ADAMTSL1: variants seen among roughly 807,000 people sequenced by gnomAD.
ADAMTSL1 encodes ADAMTS like 1, also known as ADAMTS-like protein 1.
ADAMTSL1 carries 126 observed loss-of-function variants against 201.8 expected under a neutral mutation model. That is an observed-to-expected ratio of 0.62 (90% confidence interval 0.54 to 0.72). The LOEUF (loss-of-function observed/expected upper bound fraction) is 0.72. Ranked by LOEUF, ADAMTSL1 falls within the 30% of genes least tolerant of loss-of-function variation. The pLI is 0.00. For synonymous variants in ADAMTSL1, 1,121 were observed against 903.4 expected, an observed-to-expected ratio of 1.24 and a Z score of -4.32; for missense variants, 2,679 against 2,277.8, an observed-to-expected ratio of 1.18 and a Z score of -3.59.
intron 13 of ADAMTSL1, among the ~76,000 whole-genome samples, chr9:18,700,790 G>C (rs549695197): frequency 6.6e-6 from 1 of 152,206 alleles, no homozygotes; most frequent in African/African-American, 2.4e-5. Flanking sequence ...CTATTTTCCA[G>C]ATCCCTCTGT....
At chr9:18,415,959 C>G (rs1465432819) in intron 2 of ADAMTSL1, among the ~76,000 whole-genome samples, 1 of 151,956 alleles carries the variant, frequency 6.6e-6, no homozygotes, top group African/African-American at 2.4e-5. Context: ...TAGAATATCT[C>G]TCGCAAATGT....
At chr9:18,280,046 G>A (rs900147425) in intron 2 of ADAMTSL1, among the ~76,000 whole-genome samples, 2 of 152,232 alleles carry the variant, frequency 1.3e-5, no homozygotes, top group African/African-American at 4.8e-5. Flanking sequence ...TGGACTCAAG[G>A]TCTGCTGAAG....
chr9:18,636,131 A>G, intron 6 of ADAMTSL1, 114 bp downstream of exon 6: 1 of 891,038 alleles, frequency 1.1e-6, no homozygotes, highest in South Asian at 2.0e-5. Context: ...ACTCTATCAT[A>G]ATATGATATT....
At position 18,001,039 on chromosome 9, in the gene ADAMTSL1, G is replaced by C. The variant is rs1294456163; in HGVS notation, c.87+94117G>C. On this transcript the variant is annotated intron_variant, in intron 1 of 29. Coordinates refer to the ADAMTSL1 transcript ENST00000680146. ...AGTTGGGGGAAGTTAGTTTCTAAAA[G>C]GAAAATGAAAATGCTATTGCCAGGA... Among the ~76,000 whole-genome samples, 3 of 152,066 alleles carry C rather than the reference G, an allele frequency of 2.0e-5. No homozygotes were observed. In the South Asian group the frequency reaches 6.2e-4, roughly 32 times the overall value.
At chr9:18,275,666 C>G (rs1832558418) in intron 2 of ADAMTSL1, among the ~76,000 whole-genome samples, 1 of 152,118 alleles carries the variant, frequency 6.6e-6, no homozygotes. Context: ...TGAGGGCCAT[C>G]TGTCATCTTT....
intron 1 of ADAMTSL1, among the ~76,000 whole-genome samples, chr9:18,157,555 G>T (rs1304188415): frequency 6.6e-6 from 1 of 151,940 alleles, no homozygotes. Flanking sequence ...GAACTAAGCA[G>T]GAACATCTGT....
chr9:18,119,663 A>G (rs4618799), intron 1 of ADAMTSL1, among the ~76,000 whole-genome samples: 64,606 of 151,788 alleles, frequency 0.43, 14,473 homozygotes, highest in East Asian at 0.57. Flanking sequence ...TTTTACTACT[A>G]TAAATCATTA....
At chr9:18,585,988 G>T (rs991898835) in intron 4 of ADAMTSL1, among the ~76,000 whole-genome samples, 1 of 152,150 alleles carries the variant, frequency 6.6e-6, no homozygotes, top group Non-Finnish European at 1.5e-5. Flanking sequence ...ACATTATACT[G>T]AATGAGCAAA....
Position 18,684,792 on chromosome 9 carries a change from G to C in ADAMTSL1, c.1566G>C (p.Glu522Asp). 1 of 1,611,220 alleles carries C rather than the reference G, an allele frequency of 6.2e-7. No homozygotes were observed. The highest frequency in any genetic ancestry group is 1.7e-5 in the Admixed American group (1 of 59,702). Residue 522 changes from glutamate (E) to aspartate (D), a missense_variant, in exon 13 of 29, where the codon GAG becomes GAC. Transcript: ENST00000380548. Reference protein sequence around the residue: ...QELEEGAAVSEEPSFIPEAWS... With the variant: ...QELEEGAAVSDEPSFIPEAWS... ...TAGAAGAAGGAGCTGCTGTGTCAGA[G>C]GAGCCCTCGTAAGTTGTAAAAGCAC...
At chr9:18,502,022 A>G (rs1227994294) in intron 1 of ADAMTSL1, among the ~76,000 whole-genome samples, 1 of 152,236 alleles carries the variant, frequency 6.6e-6, no homozygotes, top group African/African-American at 2.4e-5. Context: ...TTGTTTTTCT[A>G]GAAAAACAAA....
At chr9:18,739,237 T>A (rs925861232) in intron 15 of ADAMTSL1, among the ~76,000 whole-genome samples, 1 of 152,144 alleles carries the variant, frequency 6.6e-6, no homozygotes, top group Non-Finnish European at 1.5e-5. Context: ...GATAAATGAG[T>A]TGGCATTCAA....
intron 3 of ADAMTSL1, among the ~76,000 whole-genome samples, chr9:18,538,460 T>G (rs1819932280): frequency 6.6e-6 from 1 of 152,124 alleles, no homozygotes; most frequent in African/African-American, 2.4e-5. Context: ...CCCGTCCACC[T>G]CTGAAATTCT....
chr9:18,321,761 C>T (rs1182115121), intron 2 of ADAMTSL1, among the ~76,000 whole-genome samples: 1 of 152,108 alleles, frequency 6.6e-6, no homozygotes, highest in African/African-American at 2.4e-5. Context: ...CCACAGCACT[C>T]CAGTCTGGGC....
At chr9:18,640,595 G>A (rs539645192) in intron 7 of ADAMTSL1, among the ~76,000 whole-genome samples, 1 of 152,028 alleles carries the variant, frequency 6.6e-6, no homozygotes, top group South Asian at 2.1e-4. Flanking sequence ...TAACCCATAG[G>A]CACAACAAGC....
chr9:18,489,070 C>T (rs752204211), intron 1 of ADAMTSL1, among the ~76,000 whole-genome samples: 5 of 152,080 alleles, frequency 3.3e-5, no homozygotes, highest in East Asian at 1.9e-4. Context: ...CCTCCATCCC[C>T]GCAAGAGATT....
chr9:18,636,873 G>T (rs1316750508), intron 6 of ADAMTSL1, among the ~76,000 whole-genome samples: 2 of 152,068 alleles, frequency 1.3e-5, no homozygotes, highest in Non-Finnish European at 2.9e-5. Context: ...ATTGTTCCTG[G>T]GTTTCCACAA....
At chr9:18,523,249 G>A (rs967443031) in intron 2 of ADAMTSL1, among the ~76,000 whole-genome samples, 2 of 152,180 alleles carry the variant, frequency 1.3e-5, no homozygotes, top group African/African-American at 2.4e-5. Flanking sequence ...CTTTTGAGAA[G>A]TGTCTGTTCA....
chr9:17,995,784 C>CT (rs1175092568), intron 1 of ADAMTSL1, among the ~76,000 whole-genome samples: 4 of 151,466 alleles, frequency 2.6e-5, no homozygotes, highest in Non-Finnish European at 5.9e-5. Flanking sequence ...AACAGACGTA[C>CT]TGTATTATTT....
intron 20 of ADAMTSL1, among the ~76,000 whole-genome samples, chr9:18,809,679 C>T (rs1823382769): frequency 6.6e-6 from 1 of 152,206 alleles, no homozygotes; most frequent in African/African-American, 2.4e-5. Flanking sequence ...ATCTCAGCTA[C>T]TCGGGAGACT....
Sources: gnomAD v4.1 joint callset for allele counts (sites outside exome capture counted in the v4.1 genomes callset) on GRCh38, gnomAD v4.1.1 for gene constraint, MANE v1.5 for transcripts, NCBI Gene and HGNC (gene_info 2026-07-23, HGNC 2026-07-21) for gene names.